The following EXOC4 variants were observed in gnomAD, a reference collection of about 807,000 sequenced individuals.
EXOC4 encodes the protein SEC8-like 1.
A neutral mutation model predicts 107.2 loss-of-function variants in EXOC4; 71 were observed. The ratio of observed to expected loss-of-function variants is 0.66; its 90% CI spans 0.55 to 0.81. The LOEUF is 0.81. Ranked by LOEUF, EXOC4 falls within the 30% of genes least tolerant of loss-of-function variation. The probability of loss-of-function intolerance (pLI) is 0.00; values close to 1 mark genes in which losing one functional copy is unlikely to be tolerated. For missense variants in EXOC4, 1,108 were observed against 1,189.6 expected (o/e 0.93, Z 1.01); for synonymous variants, 456 against 441.2 (o/e 1.03, Z -0.42).
intron 10 of EXOC4, among the ~76,000 whole-genome samples, chr7:133,662,332 A>C (rs1490806176): frequency 6.6e-6 from 1 of 152,170 alleles, no homozygotes; most frequent in Non-Finnish European, 1.5e-5. Context: ...CACAGAAAGA[A>C]AGCCAGTTTC....
At chr7:133,745,568 T>G (rs1163529194) in intron 10 of EXOC4, among the ~76,000 whole-genome samples, 2 of 152,082 alleles carry the variant, frequency 1.3e-5, no homozygotes, top group Admixed American at 6.6e-5. Context: ...AAAATGTTCA[T>G]GAGAGAACTT....
chr7:133,790,700 T>C (rs897305726), intron 10 of EXOC4, among the ~76,000 whole-genome samples: 3 of 152,256 alleles, frequency 2.0e-5, no homozygotes, highest in Admixed American at 6.5e-5. Flanking sequence ...GAAGGCAACA[T>C]GTGACTGAAA....
At chr7:133,279,755 G>C (rs1208772586) in intron 2 of EXOC4, among the ~76,000 whole-genome samples, 1 of 152,156 alleles carries the variant, frequency 6.6e-6, no homozygotes, top group Non-Finnish European at 1.5e-5. Context: ...CTGGCCTCAA[G>C]TGATCCTCCT....
chr7:133,714,656 G>C (rs891272782), intron 10 of EXOC4, among the ~76,000 whole-genome samples: 3 of 152,192 alleles, frequency 2.0e-5, no homozygotes, highest in African/African-American at 7.2e-5. Flanking sequence ...TGTTTACATA[G>C]TGTTTACATT....
At chr7:133,969,763 A>G (rs1801157883) in intron 14 of EXOC4, among the ~76,000 whole-genome samples, 1 of 152,126 alleles carries the variant, frequency 6.6e-6, no homozygotes, top group Non-Finnish European at 1.5e-5. Flanking sequence ...CTCCTGTATG[A>G]GGTGTCTGTC....
At chr7:133,358,944 C>T (rs951337314) in intron 6 of EXOC4, among the ~76,000 whole-genome samples, 2 of 152,072 alleles carry the variant, frequency 1.3e-5, no homozygotes, top group African/African-American at 4.8e-5. Context: ...AAGTGTCTTT[C>T]GTTTGTCCGT....
chr7:133,351,491 C>T (rs1343227907), intron 5 of EXOC4, among the ~76,000 whole-genome samples: 1 of 151,954 alleles, frequency 6.6e-6, no homozygotes, highest in Non-Finnish European at 1.5e-5. Flanking sequence ...CGATTATTCA[C>T]AGTACTCTGT....
chr7:133,558,092 C>T (rs763567589), intron 9 of EXOC4, among the ~76,000 whole-genome samples: 8 of 152,164 alleles, frequency 5.3e-5, no homozygotes, highest in Non-Finnish European at 7.4e-5. Context: ...CTTAATTTAT[C>T]TGCTTTTTTA....
intron 10 of EXOC4, among the ~76,000 whole-genome samples, chr7:133,643,915 C>T (rs971461691): frequency 2.6e-5 from 4 of 152,122 alleles, no homozygotes; most frequent in Non-Finnish European, 5.9e-5. Flanking sequence ...ATTTTCCTTT[C>T]CCCAATGTAC....
intron 7 of EXOC4, among the ~76,000 whole-genome samples, chr7:133,391,011 A>G (rs1326464814): frequency 1.3e-5 from 2 of 152,322 alleles, no homozygotes; most frequent in African/African-American, 4.8e-5. Context: ...CAGTAAGATT[A>G]TATAGAAAAT....
At chr7:133,345,956 G>A (rs1795774781) in intron 5 of EXOC4, among the ~76,000 whole-genome samples, 1 of 152,180 alleles carries the variant, frequency 6.6e-6, no homozygotes, top group African/African-American at 2.4e-5. Flanking sequence ...CACTCCAGGG[G>A]TAGTTAGTTA....
intron 10 of EXOC4, among the ~76,000 whole-genome samples, chr7:133,792,101 G>A (rs145127075): frequency 1.6e-4 from 24 of 152,178 alleles, no homozygotes; most frequent in African/African-American, 4.8e-4. Flanking sequence ...AGTTTTACTC[G>A]TGGCATCGGG....
intron 9 of EXOC4, among the ~76,000 whole-genome samples, chr7:133,545,578 T>A (rs1182115919): frequency 4.6e-5 from 7 of 152,176 alleles, no homozygotes; most frequent in Non-Finnish European, 7.4e-5. Flanking sequence ...ATTCAAATTT[T>A]AAAAAATTTT....
chr7:133,830,069 A>G (rs1429788460), intron 11 of EXOC4, among the ~76,000 whole-genome samples: 1 of 152,214 alleles, frequency 6.6e-6, no homozygotes, highest in Admixed American at 6.5e-5. Context: ...ATTCACTTGC[A>G]AATAGCTACA....
At chr7:133,363,769 A>G (rs1434931932) in intron 6 of EXOC4, among the ~76,000 whole-genome samples, 1 of 152,178 alleles carries the variant, frequency 6.6e-6, no homozygotes, top group Non-Finnish European at 1.5e-5. Flanking sequence ...TATCAAGGCC[A>G]CTTCTCTGTT....
chr7:133,763,117 A>G (rs907788794), intron 10 of EXOC4, among the ~76,000 whole-genome samples: 8 of 152,146 alleles, frequency 5.3e-5, no homozygotes, highest in Non-Finnish European at 1.0e-4. Context: ...TTTGAGAATT[A>G]CTAATGTAGA....
At chr7:133,452,332 CATAAG>C (rs1798367101) in intron 7 of EXOC4, among the ~76,000 whole-genome samples, 1 of 152,006 alleles carries the variant, frequency 6.6e-6, no homozygotes, top group African/African-American at 2.4e-5. Context: ...ACACATCTAT[CATAAG>C]ATAACTGTTG....
downstream of EXOC4, chr7:134,066,024 A>G (rs1796170306): frequency 6.6e-6 from 1 of 152,214 alleles, no homozygotes; most frequent in Non-Finnish European, 1.5e-5. Context: ...GTGGGAAAGA[A>G]TGTAGTCAAT....
chr7:133,308,123 G>C (rs1794794925), intron 4 of EXOC4, among the ~76,000 whole-genome samples: 2 of 152,152 alleles, frequency 1.3e-5, no homozygotes. Context: ...TCTTGATGAA[G>C]AGGAAAAAGA....
Sources: gnomAD v4.1 joint callset for allele counts (sites outside exome capture counted in the v4.1 genomes callset) on GRCh38, gnomAD v4.1.1 for gene constraint, MANE v1.5 for transcripts, NCBI Gene and HGNC (gene_info 2026-07-23, HGNC 2026-07-21) for gene names.